Variants in NREP observed in about 807,000 individuals in gnomAD.
The protein encoded by NREP is neuronal regeneration-related protein.
NREP carries 5 observed loss-of-function variants against 8.6 expected under a neutral mutation model. The ratio of observed to expected loss-of-function variants is 0.58; its 90% confidence interval spans 0.30 to 1.22. NREP has a LOEUF of 1.22. Ranked by LOEUF, NREP falls within the 50% of genes most tolerant of loss-of-function variation. The pLI, the probability that NREP is intolerant of heterozygous loss-of-function variation, is 0.07. For synonymous variants in NREP, 27 were observed against 28.0 expected (o/e 0.96, Z 0.11); for missense variants, 86 against 82.5 (o/e 1.04, Z -0.17).
intron 2 of NREP, among the ~76,000 whole-genome samples, chr5:111,750,920 C>T (rs951777913): frequency 1.3e-5 from 2 of 152,160 alleles, no homozygotes; most frequent in African/African-American, 2.4e-5. Flanking sequence ...ATGGTTTCAC[C>T]GCACTTTGTT....
chr5:111,799,302 A>C (rs910267157), intron 2 of NREP, among the ~76,000 whole-genome samples: 6 of 152,304 alleles, frequency 3.9e-5, no homozygotes, highest in African/African-American at 1.4e-4. Flanking sequence ...AGTTCTGTGA[A>C]GAATGATGGT....
chr5:111,972,085 A>G (rs1055361221), intron 2 of NREP, among the ~76,000 whole-genome samples: 2 of 152,250 alleles, frequency 1.3e-5, no homozygotes, highest in African/African-American at 4.8e-5. Flanking sequence ...GGATCTGAAT[A>G]GACACTTCTC....
At chr5:111,754,500 T>G (rs974700123) in intron 2 of NREP, among the ~76,000 whole-genome samples, 1 of 152,172 alleles carries the variant, frequency 6.6e-6, no homozygotes, top group African/African-American at 2.4e-5. Flanking sequence ...CAGTAAAAAA[T>G]AAGTAAACAC....
intron 2 of NREP, among the ~76,000 whole-genome samples, chr5:111,751,248 C>T (rs1036728141): frequency 2.0e-5 from 3 of 152,140 alleles, no homozygotes; most frequent in East Asian, 1.9e-4. Context: ...AACAAATAAT[C>T]GCACCCTGGT....
chr5:111,873,848 G>A (rs543521547), intron 2 of NREP, among the ~76,000 whole-genome samples: 28 of 152,228 alleles, frequency 1.8e-4, no homozygotes, highest in Admixed American at 1.5e-3. Flanking sequence ...AAGGGCTGTG[G>A]GAGAGACTGC....
intron 2 of NREP, among the ~76,000 whole-genome samples, chr5:111,853,435 TA>T (rs1263132385): frequency 9.0e-5 from 13 of 144,502 alleles, no homozygotes; most frequent in Admixed American, 7.8e-4. Context: ...TGTTAACAAA[TA>T]TACCACATCA....
chr5:111,903,082 C>CTTCT (rs1554106321), intron 2 of NREP, among the ~76,000 whole-genome samples: 3 of 122,724 alleles, frequency 2.4e-5, no homozygotes, highest in African/African-American at 9.7e-5. Flanking sequence ...TGTCTTTTCT[C>CTTCT]TTTTTTTTTT....
intron 2 of NREP, among the ~76,000 whole-genome samples, chr5:111,748,501 G>C (rs1370987443): frequency 6.6e-6 from 1 of 152,116 alleles, no homozygotes; most frequent in African/African-American, 2.4e-5. Flanking sequence ...GACAGTTGTT[G>C]ATCACTGAGG....
intron 2 of NREP, among the ~76,000 whole-genome samples, chr5:111,876,104 G>A (rs992561839): frequency 2.6e-5 from 4 of 152,054 alleles, no homozygotes; most frequent in Non-Finnish European, 5.9e-5. Flanking sequence ...GTACTATACT[G>A]CCCATTTCTT....
intron 2 of NREP, among the ~76,000 whole-genome samples, chr5:111,887,669 G>T (rs1274253339): frequency 1.3e-5 from 2 of 152,152 alleles, no homozygotes; most frequent in Admixed American, 1.3e-4. Flanking sequence ...GATTTGCTTG[G>T]CTATTTTTCA....
chr5:111,946,467 T>C (rs1755987027), intron 2 of NREP, among the ~76,000 whole-genome samples: 1 of 151,964 alleles, frequency 6.6e-6, no homozygotes, highest in Non-Finnish European at 1.5e-5. Context: ...AATACAAAGT[T>C]TTTCATTTTA....
chr5:111,821,328 C>T (rs564855586), intron 2 of NREP, among the ~76,000 whole-genome samples: 3 of 151,644 alleles, frequency 2.0e-5, no homozygotes, highest in African/African-American at 7.3e-5. Flanking sequence ...TAGCTCCAGA[C>T]ACAAATATTT....
intron 2 of NREP, among the ~76,000 whole-genome samples, chr5:111,798,757 GTGTGTGTGTGTGTGTGTGTA>G (rs201719058): frequency 0.17 from 19,669 of 116,912 alleles, 1,371 homozygotes; most frequent in East Asian, 0.28. Context: ...GTGTGTGTGT[GTGTGTGTGTGTGTGTGTGTA>G]TGTGTGTGTG....
intron 2 of NREP, among the ~76,000 whole-genome samples, chr5:111,880,581 G>A (rs1754029810): frequency 6.6e-6 from 1 of 151,962 alleles, no homozygotes; most frequent in South Asian, 2.1e-4. Flanking sequence ...CAGTCATATT[G>A]GATTAGGGAC....
chr5:111,956,210 G>C (rs552361844), intron 2 of NREP, among the ~76,000 whole-genome samples: 2 of 152,170 alleles, frequency 1.3e-5, no homozygotes, highest in Admixed American at 6.5e-5. Context: ...AATTCTTCAG[G>C]AAAATGGGCT....
chr5:111,763,622 A>T (rs1226864572), intron 2 of NREP, among the ~76,000 whole-genome samples: 3 of 152,270 alleles, frequency 2.0e-5, no homozygotes, highest in Non-Finnish European at 4.4e-5. Context: ...TATGAAACAC[A>T]TTTTAAAATT....
intron 2 of NREP, among the ~76,000 whole-genome samples, chr5:111,855,377 AT>A (rs1340837877): frequency 1.3e-5 from 2 of 152,212 alleles, no homozygotes; most frequent in East Asian, 3.9e-4. Context: ...GGCACAGGTA[AT>A]TAATCAATGT....
chr5:111,905,863 A>G (rs530790368), intron 2 of NREP, among the ~76,000 whole-genome samples: 1 of 152,118 alleles, frequency 6.6e-6, no homozygotes, highest in Non-Finnish European at 1.5e-5. Flanking sequence ...TCCTGTGTAA[A>G]TGTATACAAA....
intron 2 of NREP, among the ~76,000 whole-genome samples, chr5:111,798,910 T>A (rs148257512): frequency 4.1e-4 from 63 of 152,322 alleles, no homozygotes; most frequent in Non-Finnish European, 6.8e-4. Context: ...CTTTTTTGTA[T>A]AATAACTTCT....
Sources: allele counts gnomAD v4.1 joint callset (sites outside exome capture counted in the v4.1 genomes callset), GRCh38; gene constraint gnomAD v4.1.1; transcripts MANE v1.5; gene names NCBI Gene and HGNC (gene_info 2026-07-23, HGNC 2026-07-21).